CDH6: variants seen among roughly 807,000 people sequenced by gnomAD.
The protein encoded by CDH6 is cadherin-6.
In CDH6, 31 loss-of-function variants were observed where a neutral mutation model predicts 78.0. That is an observed-to-expected ratio of 0.40 (90% confidence interval 0.30 to 0.54). CDH6 has a LOEUF of 0.54. Among genes scored for constraint, CDH6 ranks in the 20% least tolerant of loss-of-function variants. The pLI is 0.56. For synonymous variants in CDH6, 376 were observed against 368.8 expected (o/e 1.02, Z -0.23); for missense variants, 724 against 975.9 (o/e 0.74, Z 3.44).
chr5:31,279,736 G>A (rs1198822822), intron 2 of CDH6, among the ~76,000 whole-genome samples: 1 of 152,144 alleles, frequency 6.6e-6, no homozygotes, highest in East Asian at 1.9e-4. Context: ...CTGCCTCGGG[G>A]GTGGCAGAGG....
chr5:31,323,933 A>G lies in CDH6; in HGVS notation c.*625A>G, dbSNP rs1051921181. On this transcript the variant is annotated 3_prime_UTR_variant, in exon 12 of 12. Transcript: ENST00000265071. ...AGAAGCAAATTAAACGGTAACATCCAAAAGCAACCACAAACCTAGTACGAC... is the reference window on the plus strand; with the variant it reads ...AGAAGCAAATTAAACGGTAACATCCGAAAGCAACCACAAACCTAGTACGAC... The G allele has an allele frequency of 1.2e-4, 28 of 229,416 alleles. No homozygotes were observed. Among genetic ancestry groups the G allele is most frequent in the African/African-American group, 6.0e-4 (27 of 45,176 alleles). 14.2% of individuals were successfully genotyped at this position (229,416 alleles called of 1,614,324 possible).
intron 2 of CDH6, among the ~76,000 whole-genome samples, chr5:31,283,859 G>A (rs1251308722): frequency 1.3e-5 from 2 of 151,650 alleles, no homozygotes; most frequent in East Asian, 3.9e-4. Context: ...CTGTCTCCCA[G>A]GCTTGAGTAC....
In CDH6 at chr5:31,299,405, A is replaced by G. The variant is rs968361043; in HGVS notation, c.644-59A>G. On this transcript the variant is annotated intron_variant, in intron 4 of 11. Transcript: ENST00000265071. Reference sequence around the variant, plus strand: ...CAGTTTATGTTGTTTGCATAAATCAATGATTCCATAAAGTATTCTTAATGC... The same window carrying G: ...CAGTTTATGTTGTTTGCATAAATCAGTGATTCCATAAAGTATTCTTAATGC... The G allele has an allele frequency of 2.9e-5, 39 of 1,355,858 alleles. No homozygotes were observed. The African/African-American group carries it at 3.0e-4, about 10-fold the overall frequency. 84.0% of individuals were successfully genotyped at this position (1,355,858 alleles called of 1,614,324 possible).
At chr5:31,261,710 C>A (rs1156762044) in intron 1 of CDH6, among the ~76,000 whole-genome samples, 1 of 152,144 alleles carries the variant, frequency 6.6e-6, no homozygotes, top group Non-Finnish European at 1.5e-5. Flanking sequence ...AGTAATATTG[C>A]ACTGATTAGA....
At chr5:31,199,528 G>GTT (rs1561193506) in intron 1 of CDH6, among the ~76,000 whole-genome samples, 1 of 135,434 alleles carries the variant, frequency 7.4e-6, no homozygotes, top group South Asian at 2.4e-4. Context: ...ACACACATAT[G>GTT]TGTATATATA....
chr5:31,262,846 C>T (rs1742244659), intron 1 of CDH6, among the ~76,000 whole-genome samples: 1 of 152,194 alleles, frequency 6.6e-6, no homozygotes, highest in Admixed American at 6.5e-5. Flanking sequence ...TGGTTCCCCT[C>T]TACTTTGCCT....
At chr5:31,220,790 G>A (rs1201818551) in intron 1 of CDH6, among the ~76,000 whole-genome samples, 2 of 152,088 alleles carry the variant, frequency 1.3e-5, no homozygotes, top group African/African-American at 4.8e-5. Flanking sequence ...TGAAAAGGAG[G>A]AAGCCAAGAG....
rs747466753 is a variant in CDH6, at chr5:31,323,348, T to C, written c.*40T>C. 5.1e-6 allele frequency: 8 copies of C among 1,577,608 alleles called. No individual in the cohort carries two copies. In the African/African-American group the frequency reaches 5.4e-5, roughly 11 times the overall value. ...CATTTTCCAATACGACACTGAAATA[T>C]GTGAAGTGGCTATTTCTTTATATTT... On this transcript the variant is annotated 3_prime_UTR_variant, in exon 12 of 12. Transcript: ENST00000265071.
intron 2 of CDH6, among the ~76,000 whole-genome samples, chr5:31,275,195 T>G (rs1742656499): frequency 6.6e-6 from 1 of 152,194 alleles, no homozygotes; most frequent in Non-Finnish European, 1.5e-5. Context: ...TCTCTAATTG[T>G]TTTCAACTTC....
chr5:31,207,764 G>T (rs1434259356), intron 1 of CDH6, among the ~76,000 whole-genome samples: 2 of 152,210 alleles, frequency 1.3e-5, no homozygotes, highest in Admixed American at 6.5e-5. Context: ...TTGGAGGTTA[G>T]TTTTCTTTTC....
At chr5:31,281,816 T>C (rs1286423184) in intron 2 of CDH6, among the ~76,000 whole-genome samples, 1 of 152,198 alleles carries the variant, frequency 6.6e-6, no homozygotes, top group Non-Finnish European at 1.5e-5. Flanking sequence ...TGCTTTGATG[T>C]GAATGAGAAT....
intron 2 of CDH6, among the ~76,000 whole-genome samples, chr5:31,270,324 T>C (rs1742487534): frequency 6.6e-6 from 1 of 151,256 alleles, no homozygotes; most frequent in Non-Finnish European, 1.5e-5. Context: ...TCAAACAACT[T>C]AATAAGAATT....
intron 2 of CDH6, among the ~76,000 whole-genome samples, chr5:31,278,119 C>G (rs180766019): frequency 6.6e-6 from 1 of 152,164 alleles, no homozygotes; most frequent in Non-Finnish European, 1.5e-5. Context: ...CTATGCCTCC[C>G]AATTGATTGA....
Position 31,324,049 on chromosome 5 carries a change from G to A in CDH6, c.*741G>A, listed in dbSNP as rs1430745871. 1.3e-5 allele frequency: 3 copies of A among 224,848 alleles called. No individual in the cohort carries two copies. The highest frequency in any genetic ancestry group is 6.7e-5 in the African/African-American group (3 of 44,926). The allele number at this position is 224,848 out of a possible 1,614,324, so 13.9% of individuals were successfully genotyped here. ...TACCATATAAAGGGGGAGGGAAATA[G>A]CTAATAATGTTAACCAAGGAAATAT... On this transcript the variant is annotated 3_prime_UTR_variant, in exon 12 of 12. Coordinates refer to ENST00000265071, the MANE Select transcript of CDH6 (RefSeq NM_004932.4).
At chr5:31,264,106 G>A (rs1004569132) in intron 1 of CDH6, among the ~76,000 whole-genome samples, 1 of 152,130 alleles carries the variant, frequency 6.6e-6, no homozygotes, top group African/African-American at 2.4e-5. Flanking sequence ...ACTGTTAAAT[G>A]CTGAATTGAA....
In CDH6 at chr5:31,198,717, T is replaced by C. The variant is rs185283317; in HGVS notation, c.-129+4831T>C. On this transcript the variant is annotated intron_variant, in intron 1 of 11. Coordinates refer to ENST00000265071, the MANE Select transcript of CDH6 (RefSeq NM_004932.4). ...TTTACAGCAGAGGGAAACATAAGAA[T>C]AGAAATAGAATCAAAATTGCCATTT... is the stretch of plus-strand genomic sequence containing the variant. 4.9e-3 allele frequency among the ~76,000 whole-genome samples: 746 copies of C among 152,182 alleles called. 5 individuals are homozygous for C. The highest frequency in any genetic ancestry group is 0.013 in the Admixed American group (196 of 15,274).
chr5:31,309,743 C>T (rs1022274901), intron 7 of CDH6, among the ~76,000 whole-genome samples: 7 of 152,092 alleles, frequency 4.6e-5, no homozygotes, highest in Non-Finnish European at 1.0e-4. Flanking sequence ...GGCCGAGAGG[C>T]CTCAGGAAAC....
At chr5:31,227,996 TG>T in intron 1 of CDH6, among the ~76,000 whole-genome samples, 1 of 152,338 alleles carries the variant, frequency 6.6e-6, no homozygotes, top group Non-Finnish European at 1.5e-5. Context: ...AAAATCAGCC[TG>T]TCGGTGTGCT....
chr5:31,240,313 A>G (rs928548068), intron 1 of CDH6, among the ~76,000 whole-genome samples: 9 of 152,182 alleles, frequency 5.9e-5, no homozygotes, highest in African/African-American at 2.2e-4. Context: ...TATGAAACAC[A>G]CTTTGGGAAA....
Sources: gnomAD v4.1 joint callset for allele counts (sites outside exome capture counted in the v4.1 genomes callset) on GRCh38, gnomAD v4.1.1 for gene constraint, MANE v1.5 for transcripts, NCBI Gene and HGNC (gene_info 2026-07-23, HGNC 2026-07-21) for gene names.